Variants in GSG1L observed in about 807,000 individuals in gnomAD.
GSG1L encodes the protein germ cell-specific gene 1-like protein.
Under a neutral mutation model 42.1 loss-of-function variants are expected in GSG1L, and 24 were observed. The ratio of observed to expected loss-of-function variants is 0.57; its 90% CI spans 0.41 to 0.80. GSG1L has a LOEUF of 0.80. GSG1L is among the 30% of genes least tolerant of loss of function. The pLI, the probability that GSG1L is intolerant of heterozygous loss-of-function variation, is 0.00. For missense variants in GSG1L, 445 were observed against 472.2 expected (o/e 0.94, Z 0.53); for synonymous variants, 215 against 203.5 (o/e 1.06, Z -0.48).
chr16:27,877,516 G>A (rs1305822686), intron 3 of GSG1L, among the ~76,000 whole-genome samples: 2 of 152,080 alleles, frequency 1.3e-5, no homozygotes, highest in Non-Finnish European at 2.9e-5. Flanking sequence ...AGTATCGTGA[G>A]CTCCAAGCCC....
At chr16:28,062,308 A>T (rs2141205814) in intron 1 of GSG1L, among the ~76,000 whole-genome samples, 1 of 152,288 alleles carries the variant, frequency 6.6e-6, no homozygotes, top group Middle Eastern at 3.4e-3. Context: ...CAAAGGGGAC[A>T]GTCTGATCTG....
At chr16:27,954,074 G>C (rs2084979815) in intron 2 of GSG1L, among the ~76,000 whole-genome samples, 3 of 152,174 alleles carry the variant, frequency 2.0e-5, no homozygotes, top group Non-Finnish European at 4.4e-5. Context: ...CAGTCCCTGG[G>C]GGCACTCAGG....
intron 3 of GSG1L, among the ~76,000 whole-genome samples, chr16:27,883,699 T>A (rs1164586649): frequency 6.6e-6 from 1 of 152,246 alleles, no homozygotes; most frequent in Non-Finnish European, 1.5e-5. Context: ...GCCAAGCCAC[T>A]GCTCTGTCTG....
intron 2 of GSG1L, among the ~76,000 whole-genome samples, chr16:27,920,452 G>A (rs74015157): frequency 0.013 from 1,930 of 152,292 alleles, 39 homozygotes; most frequent in African/African-American, 0.044. Flanking sequence ...CCACCTCCAG[G>A]GAAACTGCAG....
chr16:27,981,684 A>G lies in GSG1L; in HGVS notation c.350-18481T>C, dbSNP rs74773644. 3.7e-4 allele frequency among the ~76,000 whole-genome samples: 56 copies of G among 152,320 alleles called. 1 individual carries two copies. The East Asian group carries it at 0.01, about 27-fold the overall frequency. The stretch of plus-strand genomic sequence containing the variant: ...TGGGGATAATCGTTTCTACAAATGG[A>G]TGAAATACTGAAGACTAAAACCCCG... On this transcript the variant is annotated intron_variant, in intron 1 of 6. Transcript: ENST00000447459.
At chr16:27,985,747 C>A (rs887765674) in intron 1 of GSG1L, among the ~76,000 whole-genome samples, 10 of 151,838 alleles carry the variant, frequency 6.6e-5, no homozygotes, top group Non-Finnish European at 1.2e-4. Context: ...GCAGGAGAAT[C>A]GCTTGAACTC....
intron 3 of GSG1L, among the ~76,000 whole-genome samples, chr16:27,870,389 C>T (rs953116506): frequency 6.6e-6 from 1 of 151,150 alleles, no homozygotes; most frequent in African/African-American, 2.5e-5. Flanking sequence ...CTTTCTCTCT[C>T]TCTGTCTCCC....
intron 3 of GSG1L, among the ~76,000 whole-genome samples, chr16:27,868,703 C>A (rs2083762852): frequency 6.6e-6 from 1 of 152,120 alleles, no homozygotes; most frequent in East Asian, 1.9e-4. Context: ...AAACGCAACA[C>A]TGGGTCCACA....
At chr16:27,797,942 T>A (rs1018729939) in intron 6 of GSG1L, among the ~76,000 whole-genome samples, 2 of 151,256 alleles carry the variant, frequency 1.3e-5, no homozygotes, top group Middle Eastern at 3.4e-3. Context: ...AAATCAAGTA[T>A]CACATGTTCT....
At chr16:27,915,212 C>CAA (rs2141056731) in intron 2 of GSG1L, among the ~76,000 whole-genome samples, 1 of 139,832 alleles carries the variant, frequency 7.2e-6, no homozygotes, top group Non-Finnish European at 1.5e-5. Flanking sequence ...CACACACACA[C>CAA]ACACACACAC....
chr16:28,050,814 T>C (rs1233108561), intron 1 of GSG1L, among the ~76,000 whole-genome samples: 2 of 152,172 alleles, frequency 1.3e-5, no homozygotes, highest in African/African-American at 2.4e-5. Context: ...ACTGGTGACA[T>C]ATAAGCCACC....
intron 2 of GSG1L, among the ~76,000 whole-genome samples, chr16:27,943,788 A>G (rs554125520): frequency 3.6e-4 from 55 of 151,670 alleles, no homozygotes; most frequent in Non-Finnish European, 1.2e-4. Flanking sequence ...GTTGGCCAGG[A>G]TGGTCTCAAA....
At chr16:27,968,572 G>A (rs1439570541) in intron 1 of GSG1L, among the ~76,000 whole-genome samples, 1 of 152,062 alleles carries the variant, frequency 6.6e-6, no homozygotes, top group East Asian at 1.9e-4. Context: ...TCATGGGCCC[G>A]TAGAATTTTC....
chr16:27,849,582 AGCAGTAGT>A (rs2083484261), intron 3 of GSG1L, among the ~76,000 whole-genome samples: 1 of 152,154 alleles, frequency 6.6e-6, no homozygotes, highest in African/African-American at 2.4e-5. Context: ...CTGTCATCCA[AGCAGTAGT>A]GCAGTGGTGC....
chr16:27,923,573 C>T (rs549343631), intron 2 of GSG1L, among the ~76,000 whole-genome samples: 6 of 152,102 alleles, frequency 3.9e-5, no homozygotes, highest in Non-Finnish European at 7.4e-5. Context: ...GGCGAAACCC[C>T]GTCTCTACAA....
intron 2 of GSG1L, among the ~76,000 whole-genome samples, chr16:27,948,610 T>TTC: frequency 1.2e-5 from 1 of 82,588 alleles, no homozygotes; most frequent in Non-Finnish European, 3.0e-5. Flanking sequence ...CTTCTTCTTC[T>TTC]TTTTTTTTTT....
At chr16:27,807,590 T>A in intron 5 of GSG1L, 36 bp from the exon 6 acceptor site, 1 of 1,536,510 alleles carries the variant, frequency 6.5e-7, no homozygotes, top group Non-Finnish European at 8.9e-7. Context: ...AAATCCTAGG[T>A]AGGAAAGAGA....
In GSG1L at chr16:27,903,774, C is replaced by A. The variant is rs1346055454; in HGVS notation, c.398-19136G>T. On this transcript the variant is annotated intron_variant, in intron 2 of 6. Transcript: ENST00000447459. ...TCCTGGCACCCAGATTTGGAAGTCC[C>A]AGCCCCAGGAAGTCCCCCAGTCAAG... Among the ~76,000 whole-genome samples the A allele has an allele frequency of 3.9e-5, 6 of 152,206 alleles. No homozygotes were observed. In the East Asian group the frequency reaches 1.2e-3, roughly 29 times the overall value.
intron 1 of GSG1L, among the ~76,000 whole-genome samples, chr16:27,999,930 C>T (rs2085564089): frequency 6.6e-6 from 1 of 152,170 alleles, no homozygotes; most frequent in African/African-American, 2.4e-5. Flanking sequence ...CATGGCCATT[C>T]CAAGTGCAAA....
Sources: gnomAD v4.1 joint callset for allele counts (sites outside exome capture counted in the v4.1 genomes callset) on GRCh38, gnomAD v4.1.1 for gene constraint, MANE v1.5 for transcripts, NCBI Gene and HGNC (gene_info 2026-07-23, HGNC 2026-07-21) for gene names.